The following TSPAN13 variants were observed in gnomAD, a reference collection of about 807,000 sequenced individuals.
TSPAN13 encodes the protein tetraspanin 13.
A neutral mutation model predicts 26.9 loss-of-function variants in TSPAN13; 18 were observed. That is an observed-to-expected ratio of 0.67 (90% CI 0.46 to 0.99). TSPAN13 has a LOEUF of 0.99. Ranked by LOEUF, TSPAN13 falls within the 50% of genes least tolerant of loss-of-function variation. The probability of loss-of-function intolerance (pLI) is 0.00; values close to 1 mark genes in which losing one functional copy is unlikely to be tolerated. For missense variants in TSPAN13, 201 were observed against 249.6 expected (o/e 0.81, Z 1.31); for synonymous variants, 116 against 98.4 (o/e 1.18, Z -1.06).
intron 1 of TSPAN13, among the ~76,000 whole-genome samples, chr7:16,754,766 T>C (rs999762161): frequency 1.3e-5 from 2 of 152,084 alleles, no homozygotes; most frequent in Non-Finnish European, 2.9e-5. Context: ...GGCCTCTTAG[T>C]TTTAACGCTG....
At chr7:16,762,715 A>G (rs1239709835) in intron 1 of TSPAN13, among the ~76,000 whole-genome samples, 1 of 152,178 alleles carries the variant, frequency 6.6e-6, no homozygotes, top group Non-Finnish European at 1.5e-5. Flanking sequence ...TAATTCAAGC[A>G]TATTGTCATG....
At chr7:16,773,234 T>G (rs1400686987) in intron 1 of TSPAN13, among the ~76,000 whole-genome samples, 1 of 151,816 alleles carries the variant, frequency 6.6e-6, no homozygotes, top group East Asian at 1.9e-4. Flanking sequence ...CTATACCGAC[T>G]TCTAGAGCAG....
At chr7:16,781,582 C>T (rs1285693411) in intron 5 of TSPAN13, among the ~76,000 whole-genome samples, 1 of 152,150 alleles carries the variant, frequency 6.6e-6, no homozygotes, top group Non-Finnish European at 1.5e-5. Flanking sequence ...GAGATTTTCC[C>T]CTTTTGGCGC....
Position 16,777,873 on chromosome 7 carries a change from G to C in TSPAN13, c.388G>C (p.Gly130Arg). ...CATCCAGAGAAATCTAAACTGCTGTGGGTTCCGAAGTGTTAACCCAAATGA... is the reference window on the plus strand; with the variant it reads ...CATCCAGAGAAATCTAAACTGCTGTCGGTTCCGAAGTGTTAACCCAAATGA... ...NDIQRNLNCC[G>R]FRSVNPNDTC... The change falls in exon 4 of 6, where the codon GGG becomes CGG. Residue 130 changes from glycine to arginine, a missense_variant. By Grantham distance (125) the Gly-to-Arg change is moderately radical. Transcript: ENST00000262067. 2 of 1,613,668 alleles carry C rather than the reference G, an allele frequency of 1.2e-6. No individual in the cohort carries two copies. Among genetic ancestry groups the C allele is most frequent in the Non-Finnish European group, 1.7e-6 (2 of 1,179,750 alleles).
At position 16,753,788 on chromosome 7, in the gene TSPAN13, C is replaced by G. The variant is rs1211398795; in HGVS notation, c.-180C>G. On this transcript the variant is annotated 5_prime_UTR_variant, in exon 1 of 6. Transcript: ENST00000262067. ...GCTGCGGCGGCCGCAGGTTCCAAAG[C>G]GGGTCCGAGCCGCCGCCGCGCGCGC... 6.1e-6 allele frequency: 3 copies of G among 491,400 alleles called. No homozygotes were observed. The highest frequency in any genetic ancestry group is 1.0e-5 in the Non-Finnish European group (3 of 291,134). 30.4% of individuals were successfully genotyped at this position (491,400 alleles called of 1,614,324 possible). A position where few individuals can be genotyped will look rare whatever the true frequency, so the allele number is the denominator to read the frequency against.
chr7:16,777,138 T>C lies in TSPAN13; in HGVS notation c.312+16T>C. The C allele has an allele frequency of 6.4e-7, 1 of 1,574,404 alleles. No individual in the cohort carries two copies. The highest frequency in any genetic ancestry group is 8.7e-7 in the Non-Finnish European group (1 of 1,144,684). ...GGAGCAACAGGTAAGCTAAGACTTT[T>C]TTCTTCTACTTTATTATACCACATA... On this transcript the variant is annotated intron_variant, in intron 3 of 5. Transcript: ENST00000262067.
Position 16,754,027 on chromosome 7 carries a change from C to CA in TSPAN13, c.61dup (p.Thr21AsnfsTer4). 1.2e-6 allele frequency: 2 copies of CA among 1,613,756 alleles called. No individual in the cohort carries two copies. Among genetic ancestry groups the CA allele is most frequent in the Non-Finnish European group, 1.7e-6 (2 of 1,179,792 alleles). ...GCCTGTGCGCCCTCAACCTGCTTTACACCGTGAGTATCCCCAGTCCGTTCC... is the reference window on the plus strand; with the variant it reads ...GCCTGTGCGCCCTCAACCTGCTTTACAACCGTGAGTATCCCCAGTCCGTTCC... On this transcript the variant is annotated frameshift_variant, in exon 1 of 6. Coordinates refer to ENST00000262067, the MANE Select transcript of TSPAN13 (RefSeq NM_014399.4). LOFTEE classifies it high-confidence loss of function.
rs368351490 is a variant in TSPAN13 at position 16,757,714 on chromosome 7, C to G, written c.63+3684C>G. ...CTTTCTCTTTTTCGTGATTCTTTTT[C>G]CTTATACTTTTGGTTGTTTTGAGAA... On this transcript the variant is annotated intron_variant, in intron 1 of 5. Transcript: ENST00000262067. Among the ~76,000 whole-genome samples, 253 of 152,092 alleles carry G rather than the reference C, an allele frequency of 1.7e-3. 1 individual carries two copies. The highest frequency in any genetic ancestry group is 5.9e-3 in the African/African-American group (243 of 41,498).
chr7:16,759,800 C>T (rs1305318870), intron 1 of TSPAN13, among the ~76,000 whole-genome samples: 1 of 151,820 alleles, frequency 6.6e-6, no homozygotes, highest in African/African-American at 2.4e-5. Flanking sequence ...GTGATCCTCC[C>T]ACATCAGCCT....
intron 1 of TSPAN13, among the ~76,000 whole-genome samples, chr7:16,754,946 A>G (rs755451573): frequency 1.3e-5 from 2 of 152,216 alleles, no homozygotes; most frequent in Admixed American, 1.3e-4. Flanking sequence ...CATTTTATAC[A>G]TAAGGTAACA....
chr7:16,779,054 G>T lies in TSPAN13; in HGVS notation c.478G>T (p.Glu160Ter). 6.2e-7 allele frequency: 1 copy of T among 1,614,118 alleles called. No individual in the cohort carries two copies. Among genetic ancestry groups the T allele is most frequent in the Non-Finnish European group, 8.5e-7 (1 of 1,179,992 alleles). The part of the protein sequence containing the change: ...SCSPCAPIIG[E>*]YAGEVLRFVG... ...CTCGCCATGTGCTCCAATCATAGGA[G>T]AATATGCTGGAGAGGTTTTGAGATT... is the stretch of plus-strand genomic sequence containing the variant. Residue 160 changes from glutamate to a stop codon, truncating the protein, a stop_gained, in exon 5 of 6, where the codon GAA becomes TAA. Coordinates refer to ENST00000262067, the MANE Select transcript of TSPAN13 (RefSeq NM_014399.4). LOFTEE classifies it high-confidence loss of function.
At chr7:16,755,622 T>G (rs963523063) in intron 1 of TSPAN13, among the ~76,000 whole-genome samples, 1 of 152,032 alleles carries the variant, frequency 6.6e-6, no homozygotes, top group East Asian at 1.9e-4. Context: ...AGTTCTGTTT[T>G]TTTTCTGCCA....
chr7:16,754,946 A>T (rs755451573), intron 1 of TSPAN13, among the ~76,000 whole-genome samples: 2 of 152,216 alleles, frequency 1.3e-5, no homozygotes, highest in Admixed American at 6.5e-5. Context: ...CATTTTATAC[A>T]TAAGGTAACA....
chr7:16,758,792 CTG>C (rs1784510381), intron 1 of TSPAN13, among the ~76,000 whole-genome samples: 1 of 150,818 alleles, frequency 6.6e-6, no homozygotes, highest in African/African-American at 2.4e-5. Context: ...TCAAACGTGT[CTG>C]TGGGTTTCCT....
At chr7:16,783,383 TTTTC>T in intron 5 of TSPAN13, 30 bp from the exon 6 acceptor site, 1 of 1,589,666 alleles carries the variant, frequency 6.3e-7, no homozygotes, top group Non-Finnish European at 8.6e-7. Flanking sequence ...GTTACTTTCT[TTTTC>T]TTTACTTTAT....
intron 5 of TSPAN13, among the ~76,000 whole-genome samples, chr7:16,783,041 C>T (rs1784830802): frequency 6.6e-6 from 1 of 152,134 alleles, no homozygotes; most frequent in African/African-American, 2.4e-5. Flanking sequence ...TCTGTCCTTC[C>T]TGCCTCCGTC....
intron 1 of TSPAN13, among the ~76,000 whole-genome samples, chr7:16,766,132 A>C (rs1006083116): frequency 6.6e-6 from 1 of 152,226 alleles, no homozygotes; most frequent in Non-Finnish European, 1.5e-5. Context: ...TATAATTTTA[A>C]AAGTTAACTT....
chr7:16,769,675 A>AT (rs1430139143), intron 1 of TSPAN13, among the ~76,000 whole-genome samples: 1 of 150,706 alleles, frequency 6.6e-6, no homozygotes, highest in Admixed American at 6.6e-5. Context: ...TTTTTTTTTG[A>AT]TTTTTTGGAT....
intron 1 of TSPAN13, among the ~76,000 whole-genome samples, chr7:16,764,897 G>A (rs563917741): frequency 1.3e-5 from 2 of 151,698 alleles, no homozygotes; most frequent in African/African-American, 4.9e-5. Context: ...TTAGTGCCAT[G>A]GTGTTCTCTC....
Sources: gnomAD v4.1 joint callset for allele counts (sites outside exome capture counted in the v4.1 genomes callset) on GRCh38, gnomAD v4.1.1 for gene constraint, MANE v1.5 for transcripts, NCBI Gene and HGNC (gene_info 2026-07-23, HGNC 2026-07-21) for gene names.